The following UBR3 variants were observed in gnomAD, a reference collection of about 807,000 sequenced individuals.
UBR3 encodes ubiquitin protein ligase E3 component n-recognin 3.
UBR3 carries 85 observed loss-of-function variants against 243.2 expected under a neutral mutation model. The ratio of observed to expected loss-of-function variants is 0.35; its 90% CI spans 0.29 to 0.42. The LOEUF (loss-of-function observed/expected upper bound fraction) is 0.42, where lower values mean the gene tolerates loss of function less well. Ranked by LOEUF, UBR3 falls within the 10% of genes least tolerant of loss-of-function variation. The pLI is 1.00. For synonymous variants in UBR3, 748 were observed against 799.8 expected, an observed-to-expected ratio of 0.94 and a Z score of 1.09; for missense variants, 1,686 against 2,300.8, an observed-to-expected ratio of 0.73 and a Z score of 5.47.
rs188517958 is a variant in UBR3, at chr2:169,986,810, T to C, written c.3784+16T>C. ...GCATCCTCAGGTAAAATCAAAGTAATTTTTTCATGGGAACATTTTAGAGCT... is the reference window on the plus strand; with the variant it reads ...GCATCCTCAGGTAAAATCAAAGTAACTTTTTCATGGGAACATTTTAGAGCT... On this transcript the variant is annotated intron_variant, in intron 25 of 38. Coordinates refer to ENST00000272793, the MANE Select transcript of UBR3 (RefSeq NM_172070.4). The C allele has an allele frequency of 1.9e-6, 3 of 1,613,032 alleles. No individual in the cohort carries two copies. Among genetic ancestry groups the C allele is most frequent in the Admixed American group, 3.3e-5 (2 of 59,810 alleles).
intron 10 of UBR3, among the ~76,000 whole-genome samples, chr2:169,912,053 G>A (rs2085273484): frequency 6.6e-6 from 1 of 152,100 alleles, no homozygotes; most frequent in African/African-American, 2.4e-5. Context: ...ATGGAGATGA[G>A]TAAGGTGAAG....
At chr2:169,887,808 C>G (rs1225791142) in intron 5 of UBR3, among the ~76,000 whole-genome samples, 1 of 148,538 alleles carries the variant, frequency 6.7e-6, no homozygotes, top group African/African-American at 2.5e-5. Context: ...CGGAGTTTTG[C>G]TCTTGTTGCC....
At chr2:169,954,699 C>T (rs1213107217) in intron 23 of UBR3, among the ~76,000 whole-genome samples, 1 of 151,474 alleles carries the variant, frequency 6.6e-6, no homozygotes, top group South Asian at 2.1e-4. Flanking sequence ...CTCAGCCTCC[C>T]GAGTAGCTGG....
In UBR3 at chr2:170,058,464, T is replaced by C. The variant is rs118120565; in HGVS notation, c.4786-2615T>C. On this transcript the variant is annotated intron_variant, in intron 33 of 38. Transcript: ENST00000272793. ...TTATACTAGAATTTCTTTTCTTTTT[T>C]CTTTTTCTTTTTCTTTCCTTCCTTC... is the stretch of plus-strand genomic sequence containing the variant. Among the ~76,000 whole-genome samples, 105 of 151,892 alleles carry C rather than the reference T, an allele frequency of 6.9e-4. 1 individual carries two copies. In the East Asian group the frequency reaches 0.018, roughly 26 times the overall value.
At chr2:170,057,718 C>A (rs1048977290) in intron 33 of UBR3, among the ~76,000 whole-genome samples, 4 of 151,892 alleles carry the variant, frequency 2.6e-5, no homozygotes, top group African/African-American at 9.7e-5. Flanking sequence ...TTAAAAAACA[C>A]TTAATAAAAT....
chr2:169,938,755 A>G (rs1007668112), intron 19 of UBR3, among the ~76,000 whole-genome samples: 20 of 152,160 alleles, frequency 1.3e-4, no homozygotes, highest in African/African-American at 4.8e-4. Flanking sequence ...GTTTTTCCCC[A>G]AGAGTTTTAT....
intron 24 of UBR3, among the ~76,000 whole-genome samples, chr2:169,985,871 A>C (rs903127867): frequency 6.6e-6 from 1 of 152,088 alleles, no homozygotes; most frequent in African/African-American, 2.4e-5. Context: ...ATTTACTTAG[A>C]TGTGCCTCCA....
Position 169,872,347 on chromosome 2 carries a change from G to A in UBR3, c.657G>A (p.Gln219=). Reference sequence around the variant, plus strand: ...CAAGATTTATATTTTGTCTTATTCAGTACTTAAGAGAAGGCTATAATGAAC... The same window carrying A: ...CAAGATTTATATTTTGTCTTATTCAATACTTAAGAGAAGGCTATAATGAAC... ...VLPRFIFCLI[Q]YLREGYNEPA... The change falls in exon 2 of 39, where the codon CAG becomes CAA. Residue 219 remains glutamine, a synonymous_variant. Transcript: ENST00000272793. 6.7e-7 allele frequency: 1 copy of A among 1,494,224 alleles called. No individual in the cohort carries two copies. The highest frequency in any genetic ancestry group is 1.3e-5 in the South Asian group (1 of 77,754). The allele number at this position is 1,494,224 out of a possible 1,614,324, so 92.6% of individuals were successfully genotyped here.
chr2:170,069,356 G>A (rs1237156431), intron 35 of UBR3, among the ~76,000 whole-genome samples: 3 of 151,980 alleles, frequency 2.0e-5, no homozygotes, highest in Non-Finnish European at 1.5e-5. Flanking sequence ...TATACAATAT[G>A]TAATGTTTTG....
chr2:169,859,132 C>T (rs892813867), intron 1 of UBR3, among the ~76,000 whole-genome samples: 7 of 133,722 alleles, frequency 5.2e-5, no homozygotes, highest in Admixed American at 1.7e-4. Context: ...GTTGCCCAGG[C>T]TGGAGTGCAG....
At chr2:169,910,259 G>T (rs2085200041) in intron 10 of UBR3, among the ~76,000 whole-genome samples, 1 of 152,060 alleles carries the variant, frequency 6.6e-6, no homozygotes, top group African/African-American at 2.4e-5. Context: ...CCCGAAGAAA[G>T]AACTGACATT....
chr2:169,982,135 A>G (rs2088766198), intron 24 of UBR3, among the ~76,000 whole-genome samples: 1 of 152,210 alleles, frequency 6.6e-6, no homozygotes, highest in Non-Finnish European at 1.5e-5. Context: ...AATGTATGCA[A>G]TAAAAATTCT....
At chr2:170,005,925 G>T (rs2089897249) in intron 27 of UBR3, among the ~76,000 whole-genome samples, 1 of 152,164 alleles carries the variant, frequency 6.6e-6, no homozygotes, top group South Asian at 2.1e-4. Flanking sequence ...ACAAGGGAAT[G>T]CAGGAGTAAT....
intron 1 of UBR3, among the ~76,000 whole-genome samples, chr2:169,857,066 T>TTTTTTTTTG (rs2082905018): frequency 1.5e-5 from 1 of 67,138 alleles, no homozygotes; most frequent in African/African-American, 1.2e-4. Context: ...TTTATTATGT[T>TTTTTTTTTG]TTTTTTTTTT....
intron 29 of UBR3, among the ~76,000 whole-genome samples, chr2:170,011,861 T>C (rs900038300): frequency 1.3e-5 from 2 of 152,048 alleles, no homozygotes; most frequent in African/African-American, 4.8e-5. Flanking sequence ...GGAAACCAAA[T>C]TGGGGGGAAG....
intron 26 of UBR3, 50 bp from the exon 27 acceptor site, chr2:170,001,254 G>GT: frequency 7.6e-7 from 1 of 1,307,414 alleles, no homozygotes; most frequent in Non-Finnish European, 1.1e-6. Flanking sequence ...ATTTAAATAT[G>GT]TTTGTACTTC....
intron 35 of UBR3, among the ~76,000 whole-genome samples, chr2:170,071,259 G>T (rs1320030746): frequency 6.6e-6 from 1 of 152,194 alleles, no homozygotes; most frequent in Non-Finnish European, 1.5e-5. Flanking sequence ...TCTACATTTA[G>T]ACTTCTAAAT....
chr2:169,870,335 C>A (rs1473326010), intron 1 of UBR3, among the ~76,000 whole-genome samples: 2 of 152,102 alleles, frequency 1.3e-5, no homozygotes, highest in Non-Finnish European at 2.9e-5. Flanking sequence ...CGCTATGTCA[C>A]CTAGGCTGGT....
At chr2:169,828,879 A>G (rs1337100901) in intron 1 of UBR3, among the ~76,000 whole-genome samples, 1 of 152,216 alleles carries the variant, frequency 6.6e-6, no homozygotes, top group Non-Finnish European at 1.5e-5. Context: ...GAAGCGATGC[A>G]TCAGATGTTG....
Sources: allele counts gnomAD v4.1 joint callset (sites outside exome capture counted in the v4.1 genomes callset), GRCh38; gene constraint gnomAD v4.1.1; transcripts MANE v1.5; gene names NCBI Gene and HGNC (gene_info 2026-07-23, HGNC 2026-07-21).